The following SENP7 variants were observed in gnomAD, a reference collection of about 807,000 sequenced individuals.
SENP7 encodes sentrin-specific protease 7.
Under a neutral mutation model 141.2 loss-of-function variants are expected in SENP7, and 64 were observed. That is an observed-to-expected ratio of 0.45 (90% CI 0.37 to 0.56). The LOEUF is 0.56. SENP7 is among the 20% of genes least tolerant of loss of function. The probability of loss-of-function intolerance (pLI) is 0.00; values close to 1 mark genes in which losing one functional copy is unlikely to be tolerated. For missense variants in SENP7, 1,025 were observed against 1,212.2 expected (o/e 0.85, Z 2.29); for synonymous variants, 382 against 426.4 (o/e 0.90, Z 1.28).
intron 2 of SENP7, among the ~76,000 whole-genome samples, chr3:101,497,653 G>A (rs1360908478): frequency 6.6e-6 from 1 of 152,142 alleles, no homozygotes; most frequent in African/African-American, 2.4e-5. Context: ...TATTCTATGA[G>A]TCCATATTGA....
At chr3:101,444,299 G>A (rs2062798547) in intron 4 of SENP7, among the ~76,000 whole-genome samples, 1 of 150,964 alleles carries the variant, frequency 6.6e-6, no homozygotes, top group African/African-American at 2.4e-5. Context: ...TGGTGGGATT[G>A]TAAACTAGTT....
At chr3:101,424,730 C>T (rs368529171) in intron 4 of SENP7, among the ~76,000 whole-genome samples, 19 of 152,150 alleles carry the variant, frequency 1.2e-4, no homozygotes, top group Non-Finnish European at 2.5e-4. Flanking sequence ...GCCACATTGC[C>T]GCTGCCACTG....
chr3:101,510,954 A>C (rs775159887), intron 1 of SENP7, among the ~76,000 whole-genome samples: 24 of 152,114 alleles, frequency 1.6e-4, no homozygotes, highest in Admixed American at 1.0e-3. Flanking sequence ...TCAACCAGCC[A>C]ATGTTTTATT....
chr3:101,330,280 C>A, intron 20 of SENP7, 54 bp downstream of exon 20: 1 of 1,302,300 alleles, frequency 7.7e-7, no homozygotes, highest in East Asian at 2.3e-5. Flanking sequence ...TTACAGATAA[C>A]ATTATTATAT....
intron 11 of SENP7, chr3:101,357,414 T>A: frequency 1.2e-6 from 1 of 828,530 alleles, no homozygotes; most frequent in Non-Finnish European, 2.0e-6. Context: ...ATGACCTGTC[T>A]GGAACAAGGG....
chr3:101,463,386 T>TATATAC (rs2063641048), intron 3 of SENP7, among the ~76,000 whole-genome samples: 1 of 92,316 alleles, frequency 1.1e-5, no homozygotes, highest in African/African-American at 4.9e-5. Flanking sequence ...TATATATATA[T>TATATAC]ATATATATAT....
chr3:101,443,083 G>T (rs1442289749), intron 4 of SENP7, among the ~76,000 whole-genome samples: 2 of 152,160 alleles, frequency 1.3e-5, no homozygotes, highest in African/African-American at 4.8e-5. Flanking sequence ...ATGGTTTTAG[G>T]TCAAACGTTT....
At position 101,366,619 on chromosome 3, in the gene SENP7, T is replaced by A; in HGVS notation, c.1129A>T (p.Thr377Ser). ...GCACTTTTGGTGGCATTACTCAAAG[T>A]CAACTCCTGACTGTTAAGTGAGGAT... ...KLSSLNSQEL[T>S]LSNATKSASA... The change falls in exon 9 of 24, where the codon ACT becomes TCT. Residue 377 changes from threonine (T) to serine (S), a missense_variant. Thr to Ser is a moderately conservative substitution (Grantham distance 58, BLOSUM62 1). Around this residue, in one of 4 missense-constraint regions of SENP7, gnomAD observed 496 missense variants for 503.5 expected, o/e 0.99. Coordinates refer to ENST00000394095, the MANE Select transcript of SENP7 (RefSeq NM_020654.5). 3.7e-6 allele frequency: 6 copies of A among 1,614,014 alleles called. No homozygotes were observed. Among genetic ancestry groups the A allele is most frequent in the Non-Finnish European group, 5.1e-6 (6 of 1,179,898 alleles).
In SENP7 at chr3:101,438,004, C is replaced by T. The variant is rs182557916; in HGVS notation, c.285-20214G>A. On this transcript the variant is annotated intron_variant, in intron 4 of 23. Coordinates refer to ENST00000394095, the MANE Select transcript of SENP7 (RefSeq NM_020654.5). Reference sequence around the variant, plus strand: ...GAAATTTACTCACTGCTAGCAGGAACATAAAATGAGGTACGGCCATTGCAG... The same window carrying T: ...GAAATTTACTCACTGCTAGCAGGAATATAAAATGAGGTACGGCCATTGCAG... Among the ~76,000 whole-genome samples, 580 of 149,860 alleles carry T rather than the reference C, an allele frequency of 3.9e-3. 2 individuals carry two copies. The highest frequency in any genetic ancestry group is 5.0e-3 in the Non-Finnish European group (336 of 67,690).
At chr3:101,455,037 A>C (rs1001267140) in intron 4 of SENP7, among the ~76,000 whole-genome samples, 1 of 152,116 alleles carries the variant, frequency 6.6e-6, no homozygotes, top group Non-Finnish European at 1.5e-5. Flanking sequence ...AAAAGCACTA[A>C]AAAGTATTAC....
intron 20 of SENP7, among the ~76,000 whole-genome samples, chr3:101,329,884 G>C (rs2059003179): frequency 6.6e-6 from 1 of 150,826 alleles, no homozygotes; most frequent in African/African-American, 2.4e-5. Flanking sequence ...GAATCCAGGA[G>C]GGGGAGGTTG....
chr3:101,366,777 T>TA lies in SENP7; in HGVS notation c.979-9dup. 6.5e-7 allele frequency: 1 copy of TA among 1,533,788 alleles called. No individual in the cohort carries two copies. The highest frequency in any genetic ancestry group is 8.8e-7 in the Non-Finnish European group (1 of 1,138,728). ...GTCATCTTCTTGTTTTTTCTAAACATAAACACATAGAAAAAAATAGCATTT... is the reference window on the plus strand; with the variant it reads ...GTCATCTTCTTGTTTTTTCTAAACATAAAACACATAGAAAAAAATAGCATTT... On this transcript the variant is annotated splice_polypyrimidine_tract_variant and intron_variant, in intron 8 of 23. Transcript: ENST00000394095.
At chr3:101,447,726 A>T (rs2062949449) in intron 4 of SENP7, among the ~76,000 whole-genome samples, 2 of 152,176 alleles carry the variant, frequency 1.3e-5, no homozygotes, top group Non-Finnish European at 2.9e-5. Flanking sequence ...TTAAAATGAT[A>T]AGCTGATTCT....
At chr3:101,490,915 G>A (rs1447622060) in intron 3 of SENP7, among the ~76,000 whole-genome samples, 2 of 152,148 alleles carry the variant, frequency 1.3e-5, no homozygotes, top group Non-Finnish European at 2.9e-5. Context: ...ACAGAGCACA[G>A]TAAGGCTGAC....
In SENP7 at chr3:101,343,896, T is replaced by C; in HGVS notation, c.1896A>G (p.Glu632=). Reference sequence around the variant, plus strand: ...CCGTCATAATATCTTTCAGCTTCAATTCTTCTCTTTGTGAAACAGGATTGT... The same window carrying C: ...CCGTCATAATATCTTTCAGCTTCAACTCTTCTCTTTGTGAAACAGGATTGT... ...ELHNPVSQRE[E]LKLKDIMTEI... Residue 632 remains glutamate (E), a synonymous_variant, in exon 14 of 24, where the codon GAA becomes GAG. Coordinates refer to ENST00000394095, the MANE Select transcript of SENP7 (RefSeq NM_020654.5). The C allele has an allele frequency of 1.2e-6, 2 of 1,611,960 alleles. No individual in the cohort carries two copies. Among genetic ancestry groups the C allele is most frequent in the Non-Finnish European group, 1.7e-6 (2 of 1,178,586 alleles).
At chr3:101,499,386 G>C (rs1448426259) in intron 2 of SENP7, among the ~76,000 whole-genome samples, 1 of 151,980 alleles carries the variant, frequency 6.6e-6, no homozygotes, top group Non-Finnish European at 1.5e-5. Flanking sequence ...GGGGGCAGCG[G>C]GGGACAGAGT....
intron 15 of SENP7, 46 bp downstream of exon 15, chr3:101,341,600 C>T (rs767542783): frequency 2.1e-5 from 29 of 1,387,414 alleles, no homozygotes; most frequent in Non-Finnish European, 2.7e-5. Context: ...TGAATAAAAA[C>T]TACTAATATG....
chr3:101,457,766 G>T, intron 4 of SENP7: 1 of 708,438 alleles, frequency 1.4e-6, no homozygotes, highest in South Asian at 1.8e-5. Context: ...CAGAGAACTA[G>T]GGTTGGTGCT....
intron 2 of SENP7, among the ~76,000 whole-genome samples, chr3:101,498,374 T>C (rs914104342): frequency 1.3e-5 from 2 of 152,180 alleles, no homozygotes; most frequent in African/African-American, 4.8e-5. Context: ...TATTAAGATA[T>C]ATCACTATCA....
Sources: gnomAD v4.1 joint callset for allele counts (sites outside exome capture counted in the v4.1 genomes callset) on GRCh38, gnomAD v4.1.1 for gene constraint, gnomAD v4.1.1 regional missense constraint, MANE v1.5 for transcripts, NCBI Gene and HGNC (gene_info 2026-07-23, HGNC 2026-07-21) for gene names.